The following TRAPPC9 variants were observed in gnomAD, a reference collection of about 807,000 sequenced individuals.
TRAPPC9 encodes IKK2 binding protein.
A neutral mutation model predicts 124.0 loss-of-function variants in TRAPPC9; 83 were observed. The observed-to-expected ratio is 0.67, with a 90% CI of 0.56 to 0.80. TRAPPC9 has a LOEUF of 0.80. TRAPPC9 is among the 30% of genes least tolerant of loss of function. TRAPPC9 has a pLI of 0.00. For missense variants in TRAPPC9, 1,302 were observed against 1,508.3 expected, an observed-to-expected ratio of 0.86 and a Z score of 2.27; for synonymous variants, 638 against 617.5, an observed-to-expected ratio of 1.03 and a Z score of -0.49.
At chr8:139,774,179 C>G (rs931534862) in intron 21 of TRAPPC9, among the ~76,000 whole-genome samples, 2 of 152,192 alleles carry the variant, frequency 1.3e-5, no homozygotes, top group African/African-American at 4.8e-5. Flanking sequence ...CTGAGTGAGA[C>G]AGAAGTCGGC....
At chr8:140,271,979 ATGG>A (rs1230597490) in intron 15 of TRAPPC9, among the ~76,000 whole-genome samples, 925 of 144,466 alleles carry the variant, frequency 6.4e-3, no homozygotes, top group African/African-American at 0.021. Flanking sequence ...GATGGCAGTA[ATGG>A]TGGTGGTGGT....
At chr8:140,339,357 T>A (rs1340870815) in intron 9 of TRAPPC9, among the ~76,000 whole-genome samples, 1 of 152,258 alleles carries the variant, frequency 6.6e-6, no homozygotes, top group East Asian at 1.9e-4. Flanking sequence ...TCTCTGTCAC[T>A]TCACATTGAA....
chr8:139,849,634 G>A (rs1827321605), intron 21 of TRAPPC9, among the ~76,000 whole-genome samples: 1 of 152,220 alleles, frequency 6.6e-6, no homozygotes, highest in Admixed American at 6.5e-5. Flanking sequence ...GCGCCATATG[G>A]TGTGTGGACA....
chr8:140,253,053 G>A, intron 15 of TRAPPC9, 124 bp from the exon 16 acceptor site: 5 of 977,608 alleles, frequency 5.1e-6, no homozygotes, highest in Non-Finnish European at 7.7e-6. Context: ...TTTAAAATGT[G>A]TAAGATCAAA....
chr8:140,150,320 G>A (rs1021101203), intron 17 of TRAPPC9, among the ~76,000 whole-genome samples: 1 of 152,004 alleles, frequency 6.6e-6, no homozygotes, highest in African/African-American at 2.4e-5. Flanking sequence ...GTGGTGGCAG[G>A]CACCTGTAAT....
chr8:139,855,436 C>T (rs977215466), intron 21 of TRAPPC9, among the ~76,000 whole-genome samples: 6 of 152,204 alleles, frequency 3.9e-5, no homozygotes, highest in African/African-American at 1.4e-4. Context: ...TCAATACCTT[C>T]AAATGACAAC....
intron 20 of TRAPPC9, among the ~76,000 whole-genome samples, chr8:139,886,378 C>T (rs1010778184): frequency 3.3e-5 from 5 of 152,216 alleles, no homozygotes; most frequent in African/African-American, 7.2e-5. Context: ...GCTGGTTTCA[C>T]GTCGGTCCTG....
intron 21 of TRAPPC9, among the ~76,000 whole-genome samples, chr8:139,824,061 C>A (rs1326972092): frequency 6.6e-6 from 1 of 152,192 alleles, no homozygotes; most frequent in African/African-American, 2.4e-5. Flanking sequence ...TATCAGTTCA[C>A]CCCATTTTCA....
In TRAPPC9 at chr8:140,360,179, A is replaced by G. The variant is rs1053078276; in HGVS notation, c.1366T>C (p.Trp456Arg). The G allele has an allele frequency of 3.1e-6, 5 of 1,614,120 alleles. No individual in the cohort carries two copies. The highest frequency in any genetic ancestry group is 2.2e-5 in the East Asian group (1 of 44,896). ...AGCAAACGCATCTGGACCGCAGCCC[A>G]GCCTCTGTGCGTGCCTGCGATGGAA... ...KDFSRGTHRG[W>R]AAVQMRLLHE... Residue 456 changes from tryptophan to arginine, a missense_variant, in exon 9 of 23, where the codon TGG (tryptophan) becomes CGG (arginine). Coordinates refer to ENST00000438773, the MANE Select transcript of TRAPPC9 (RefSeq NM_001160372.4).
intron 16 of TRAPPC9, among the ~76,000 whole-genome samples, chr8:140,236,426 T>G (rs1482582676): frequency 2.0e-5 from 3 of 152,144 alleles, no homozygotes; most frequent in African/African-American, 7.2e-5. Flanking sequence ...CAAAACTAAT[T>G]TATGATGATA....
intron 9 of TRAPPC9, among the ~76,000 whole-genome samples, chr8:140,337,786 T>A (rs566765559): frequency 6.6e-6 from 1 of 152,086 alleles, no homozygotes; most frequent in East Asian, 1.9e-4. Flanking sequence ...CAGTTAATAA[T>A]AACTGAGAGG....
intron 7 of TRAPPC9, among the ~76,000 whole-genome samples, chr8:140,384,377 A>G (rs1382818306): frequency 6.6e-6 from 1 of 152,186 alleles, no homozygotes; most frequent in Admixed American, 6.5e-5. Flanking sequence ...AATTGGATAA[A>G]GAGTCAAGAC....
chr8:140,445,789 G>A (rs2071228779), intron 2 of TRAPPC9, among the ~76,000 whole-genome samples: 1 of 152,226 alleles, frequency 6.6e-6, no homozygotes, highest in African/African-American at 2.4e-5. Context: ...GTTGGTACTT[G>A]GACCAGAGCA....
chr8:140,390,799 C>G (rs1179149268), intron 7 of TRAPPC9, among the ~76,000 whole-genome samples: 1 of 152,202 alleles, frequency 6.6e-6, no homozygotes, highest in Non-Finnish European at 1.5e-5. Context: ...TTTTACATCT[C>G]TAATAAGGAA....
intron 21 of TRAPPC9, among the ~76,000 whole-genome samples, chr8:139,869,465 A>C (rs1828757616): frequency 6.6e-6 from 1 of 152,232 alleles, no homozygotes; most frequent in African/African-American, 2.4e-5. Flanking sequence ...ACATCAATAC[A>C]AGATCACTCA....
Position 139,898,134 on chromosome 8 carries a change from A to C in TRAPPC9, c.2964+12013T>G, listed in dbSNP as rs374209911. On this transcript the variant is annotated intron_variant, in intron 20 of 22. Transcript: ENST00000438773. ...GGCGTACGCAAGTGGGGCTCCTCCT[A>C]GAAGAGGGGCAAGGGGCGGCTACTT... Among the ~76,000 whole-genome samples the C allele has an allele frequency of 2.6e-5, 4 of 152,210 alleles. No homozygotes were observed. In the East Asian group the frequency reaches 7.7e-4, roughly 29 times the overall value.
At chr8:140,202,643 A>T (rs1313396957) in intron 17 of TRAPPC9, among the ~76,000 whole-genome samples, 1 of 152,234 alleles carries the variant, frequency 6.6e-6, no homozygotes, top group Non-Finnish European at 1.5e-5. Context: ...CATGACTGAC[A>T]TATTTGTACT....
At chr8:139,947,907 T>TAG (rs59810983) in intron 19 of TRAPPC9, among the ~76,000 whole-genome samples, 701 of 60,346 alleles carry the variant, frequency 0.012, 62 homozygotes, top group African/African-American at 0.035. Flanking sequence ...TATATATATA[T>TAG]AGAGAGAGAG....
intron 17 of TRAPPC9, among the ~76,000 whole-genome samples, chr8:140,215,428 A>G (rs1346174530): frequency 6.6e-6 from 1 of 151,994 alleles, no homozygotes; most frequent in African/African-American, 2.4e-5. Flanking sequence ...GGATTGCCTG[A>G]GCTCCGGAGT....
Sources: gnomAD v4.1 joint callset for allele counts (sites outside exome capture counted in the v4.1 genomes callset) on GRCh38, gnomAD v4.1.1 for gene constraint, MANE v1.5 for transcripts, NCBI Gene and HGNC (gene_info 2026-07-23, HGNC 2026-07-21) for gene names.